Variants in SYT10 observed in about 807,000 individuals in gnomAD.
The protein encoded by SYT10 is synaptotagmin 10.
SYT10 carries 31 observed loss-of-function variants against 51.1 expected under a neutral mutation model. That is an observed-to-expected ratio of 0.61 (90% CI 0.46 to 0.82). SYT10 has a LOEUF of 0.82. Among genes scored for constraint, SYT10 ranks in the 40% least tolerant of loss-of-function variants. SYT10 has a pLI of 0.00. For missense variants in SYT10, 603 were observed against 634.0 expected, an observed-to-expected ratio of 0.95 and a Z score of 0.53; for synonymous variants, 233 against 225.9, an observed-to-expected ratio of 1.03 and a Z score of -0.28.
intron 1 of SYT10, among the ~76,000 whole-genome samples, chr12:33,438,798 A>AT (rs1233178887): frequency 6.6e-6 from 1 of 152,210 alleles, no homozygotes; most frequent in Non-Finnish European, 1.5e-5. Flanking sequence ...AATCATATAT[A>AT]TTAAAAGGGC....
chr12:33,436,469 A>C (rs141893569), intron 1 of SYT10, among the ~76,000 whole-genome samples: 12 of 152,302 alleles, frequency 7.9e-5, no homozygotes, highest in African/African-American at 2.4e-4. Context: ...ACGCCAAAAG[A>C]GTAAATGAAC....
At chr12:33,431,365 G>A (rs1290408484) in intron 1 of SYT10, among the ~76,000 whole-genome samples, 2 of 152,048 alleles carry the variant, frequency 1.3e-5, no homozygotes, top group Non-Finnish European at 2.9e-5. Flanking sequence ...AAGTAGAAGC[G>A]GGAGATGAAT....
At chr12:33,397,721 G>A (rs1866268922) in intron 3 of SYT10, among the ~76,000 whole-genome samples, 1 of 152,034 alleles carries the variant, frequency 6.6e-6, no homozygotes, top group Non-Finnish European at 1.5e-5. Flanking sequence ...AGGGAAGAGA[G>A]CCCTCTTCCC....
rs1411693500 is a variant in SYT10, at chr12:33,439,809, C to A, written c.-287G>T. On this transcript the variant is annotated 5_prime_UTR_variant, in exon 1 of 7. Coordinates refer to ENST00000228567, the MANE Select transcript of SYT10 (RefSeq NM_198992.4). ...CCGAGGCGCGCTGGAACTAGAGACC[C>A]GGCATGGAGTGCTGAGGGGAGGGGG... The A allele has an allele frequency of 9.2e-6, 4 of 432,570 alleles. No individual in the cohort carries two copies. The highest frequency in any genetic ancestry group is 8.2e-5 in the Admixed American group (2 of 24,382). The allele number at this position is 432,570 out of a possible 1,614,324, so 26.8% of individuals were successfully genotyped here.
At chr12:33,386,175 C>T (rs1866155036) in intron 3 of SYT10, among the ~76,000 whole-genome samples, 1 of 152,098 alleles carries the variant, frequency 6.6e-6, no homozygotes, top group Non-Finnish European at 1.5e-5. Context: ...CATGCAACAC[C>T]ACACCTGGCT....
intron 3 of SYT10, among the ~76,000 whole-genome samples, chr12:33,394,274 G>A (rs533543012): frequency 4.5e-4 from 69 of 152,308 alleles, no homozygotes; most frequent in Middle Eastern, 3.4e-3. Flanking sequence ...CTGGTTTACT[G>A]AATTAAATGT....
chr12:33,431,562 T>C (rs1359079554), intron 1 of SYT10, among the ~76,000 whole-genome samples: 1 of 152,194 alleles, frequency 6.6e-6, no homozygotes, highest in Non-Finnish European at 1.5e-5. Flanking sequence ...TAATTTAATA[T>C]TTAATCCATT....
rs368192419 is a variant in SYT10 at position 33,438,011 on chromosome 12, GC to G, written c.151+1360del. 5.7e-3 allele frequency among the ~76,000 whole-genome samples: 869 copies of G among 152,210 alleles called. 7 individuals carry two copies. The highest frequency in any genetic ancestry group is 0.02 in the African/African-American group (835 of 41,534). On this transcript the variant is annotated intron_variant, in intron 1 of 6. Coordinates refer to ENST00000228567, the MANE Select transcript of SYT10 (RefSeq NM_198992.4). ...TCAAGCTCTGCCAAGTGCAGACAGA[GC>G]CCCCTTGGCTCACGTTGCCGTGGAT... is the stretch of plus-strand genomic sequence containing the variant.
Position 33,376,233 on chromosome 12 carries a change from A to G in SYT10, c.*597T>C, listed in dbSNP as rs1866060915. ...TTTAAATTTACAGCTTTGTCTATGTATTTTAAAGAACAAGCTTGAGAGACA... is the reference window on the plus strand; with the variant it reads ...TTTAAATTTACAGCTTTGTCTATGTGTTTTAAAGAACAAGCTTGAGAGACA... On this transcript the variant is annotated 3_prime_UTR_variant, in exon 7 of 7. Transcript: ENST00000228567. 6.6e-6 allele frequency: 1 copy of G among 152,208 alleles called. No homozygotes were observed. The highest frequency in any genetic ancestry group is 2.1e-4 in the South Asian group (1 of 4,834). 9.4% of individuals were successfully genotyped at this position (152,208 alleles called of 1,614,324 possible). A position where few individuals can be genotyped will look rare whatever the true frequency, so the allele number is the denominator to read the frequency against.
At chr12:33,428,324 T>A (rs11833037) in intron 1 of SYT10, among the ~76,000 whole-genome samples, 368 of 152,330 alleles carry the variant, frequency 2.4e-3, no homozygotes, top group African/African-American at 8.6e-3. Flanking sequence ...AGATAAATGT[T>A]CCTCAACAGA....
chr12:33,408,461 T>A (rs182398363), intron 2 of SYT10: 222 of 152,288 alleles, frequency 1.5e-3, no homozygotes, highest in African/African-American at 5.0e-3. Context: ...AGCTTACTAA[T>A]GTCTTCTACA....
intron 6 of SYT10, among the ~76,000 whole-genome samples, chr12:33,377,772 C>T (rs1469335338): frequency 6.6e-5 from 10 of 151,442 alleles, no homozygotes; most frequent in Non-Finnish European, 7.4e-5. Context: ...GGATTACAGG[C>T]GCCTGCCACC....
intron 2 of SYT10, among the ~76,000 whole-genome samples, chr12:33,409,108 C>T (rs992653599): frequency 6.6e-6 from 1 of 152,038 alleles, no homozygotes; most frequent in African/African-American, 2.4e-5. Flanking sequence ...TTTCAAAATA[C>T]TTTATTCACT....
intron 2 of SYT10, among the ~76,000 whole-genome samples, chr12:33,423,532 A>T (rs1413963487): frequency 1.3e-5 from 2 of 152,144 alleles, no homozygotes; most frequent in Admixed American, 6.5e-5. Flanking sequence ...TGAAGTAATT[A>T]ATGTAGATAA....
At position 33,417,446 on chromosome 12, in the gene SYT10, A is replaced by G. The variant is rs141563336; in HGVS notation, c.509+8692T>C. 1.5e-3 allele frequency among the ~76,000 whole-genome samples: 221 copies of G among 152,332 alleles called. 5 individuals carry two copies. The highest frequency in any genetic ancestry group is 0.014 in the Admixed American group (212 of 15,298). On this transcript the variant is annotated intron_variant, in intron 2 of 6. Transcript: ENST00000228567. ...TCACCGGCAAGAAGACCCTTGCCAG[A>G]TGTGGCCCCTCAACAAGGGACTTCA...
chr12:33,408,995 T>G (rs751993690), intron 2 of SYT10, among the ~76,000 whole-genome samples: 37 of 152,082 alleles, frequency 2.4e-4, no homozygotes, highest in Non-Finnish European at 4.6e-4. Context: ...GATCCTTATC[T>G]CCATATATTT....
At chr12:33,414,546 C>T (rs985926736) in intron 2 of SYT10, among the ~76,000 whole-genome samples, 11 of 152,192 alleles carry the variant, frequency 7.2e-5, no homozygotes, top group African/African-American at 2.7e-4. Flanking sequence ...CACTCAACTA[C>T]ATGGAATCTG....
At position 33,439,705 on chromosome 12, in the gene SYT10, G is replaced by A. The variant is rs1866669349; in HGVS notation, c.-183C>T. 2 of 705,890 alleles carry A rather than the reference G, an allele frequency of 2.8e-6. No homozygotes were observed. Among genetic ancestry groups the A allele is most frequent in the East Asian group, 3.0e-5 (1 of 33,632 alleles). The allele number at this position is 705,890 out of a possible 1,614,324, so 43.7% of individuals were successfully genotyped here. On this transcript the variant is annotated 5_prime_UTR_variant, in exon 1 of 7. Transcript: ENST00000228567. ...CGTTGGCCCCATGGCGGGAGCGGAG[G>A]GCGTAGGGGAAGGAGAGGCGCGCGA... is the stretch of plus-strand genomic sequence containing the variant.
At chr12:33,437,012 G>GTA (rs1866643022) in intron 1 of SYT10, among the ~76,000 whole-genome samples, 1 of 152,158 alleles carries the variant, frequency 6.6e-6, no homozygotes, top group Non-Finnish European at 1.5e-5. Flanking sequence ...CTACTTTAAA[G>GTA]AACAGTGTGA....
Sources: gnomAD v4.1 joint callset for allele counts (sites outside exome capture counted in the v4.1 genomes callset) on GRCh38, gnomAD v4.1.1 for gene constraint, MANE v1.5 for transcripts, NCBI Gene and HGNC (gene_info 2026-07-23, HGNC 2026-07-21) for gene names.